PRKCA: variants seen among roughly 807,000 people sequenced by gnomAD.
The protein encoded by PRKCA is protein kinase C alpha.
A neutral mutation model predicts 87.0 loss-of-function variants in PRKCA; 27 were observed. That is an observed-to-expected ratio of 0.31 (90% confidence interval 0.23 to 0.43). The LOEUF is 0.43. PRKCA is among the 20% of genes least tolerant of loss of function. The pLI, the probability that PRKCA is intolerant of heterozygous loss-of-function variation, is 1.00. For missense variants in PRKCA, 518 were observed against 852.3 expected, an observed-to-expected ratio of 0.61 and a Z score of 4.88; for synonymous variants, 329 against 311.1, an observed-to-expected ratio of 1.06 and a Z score of -0.61.
chr17:66,545,895 G>A (rs376370220), intron 3 of PRKCA, among the ~76,000 whole-genome samples: 79 of 152,320 alleles, frequency 5.2e-4, no homozygotes, highest in Non-Finnish European at 1.0e-3. Context: ...ATTAGATTTT[G>A]TATGAGAATA....
intron 2 of PRKCA, among the ~76,000 whole-genome samples, chr17:66,347,492 G>C (rs11651796): frequency 1.3e-5 from 2 of 152,050 alleles, no homozygotes; most frequent in Non-Finnish European, 1.5e-5. Flanking sequence ...GAATGAAACC[G>C]TGTCTGTGTT....
At position 66,782,619 on chromosome 17, in the gene PRKCA, G is replaced by A. The variant is rs1286347704; in HGVS notation, c.1606-4248G>A. 5.3e-5 allele frequency among the ~76,000 whole-genome samples: 8 copies of A among 152,268 alleles called. No individual in the cohort carries two copies. The East Asian group carries it at 1.5e-3, about 29-fold the overall frequency. The stretch of plus-strand genomic sequence containing the variant: ...TACGGGATGACTTGAAACATCTCAG[G>A]CCCCCAGGGCTGCCCCACCCCCTTC... On this transcript the variant is annotated intron_variant, in intron 14 of 16. Coordinates refer to ENST00000413366, the MANE Select transcript of PRKCA (RefSeq NM_002737.3).
chr17:66,679,665 A>G (rs1399815260), intron 5 of PRKCA, among the ~76,000 whole-genome samples: 1 of 152,186 alleles, frequency 6.6e-6, no homozygotes, highest in East Asian at 1.9e-4. Context: ...TTGGCCACCC[A>G]TCTTTCTAGT....
intron 5 of PRKCA, among the ~76,000 whole-genome samples, chr17:66,649,889 A>G (rs532757750): frequency 6.6e-6 from 1 of 152,270 alleles, no homozygotes; most frequent in African/African-American, 2.4e-5. Context: ...AGAGGGAAGG[A>G]CCCTGTGGAG....
intron 2 of PRKCA, among the ~76,000 whole-genome samples, chr17:66,378,498 C>G (rs1909602260): frequency 6.6e-6 from 1 of 152,072 alleles, no homozygotes; most frequent in South Asian, 2.1e-4. Flanking sequence ...GAAAGAAACC[C>G]CAGACCCCTT....
chr17:66,397,811 T>C (rs1271433141), intron 2 of PRKCA, among the ~76,000 whole-genome samples: 2 of 152,200 alleles, frequency 1.3e-5, no homozygotes, highest in African/African-American at 4.8e-5. Flanking sequence ...ACAGTGCTGA[T>C]GCCTGCATCC....
intron 3 of PRKCA, among the ~76,000 whole-genome samples, chr17:66,544,711 C>T (rs537064899): frequency 1.1e-4 from 16 of 152,154 alleles, no homozygotes; most frequent in East Asian, 1.9e-4. Flanking sequence ...TACTGTCTCA[C>T]CCTCCCAAGT....
At chr17:66,716,183 A>G (rs1973468623) in intron 8 of PRKCA, among the ~76,000 whole-genome samples, 1 of 150,972 alleles carries the variant, frequency 6.6e-6, no homozygotes, top group Admixed American at 6.6e-5. Flanking sequence ...AGAATTACCC[A>G]CTTCGAAGCC....
chr17:66,677,744 C>A (rs892802988), intron 5 of PRKCA, among the ~76,000 whole-genome samples: 1 of 152,172 alleles, frequency 6.6e-6, no homozygotes, highest in East Asian at 1.9e-4. Flanking sequence ...GCATCTGAGT[C>A]ATTATTTCAC....
At chr17:66,569,608 A>AAG (rs397727600) in intron 3 of PRKCA, among the ~76,000 whole-genome samples, 19 of 151,894 alleles carry the variant, frequency 1.3e-4, no homozygotes, top group Admixed American at 3.3e-4. Context: ...TCAGTAAGAA[A>AAG]GACAATCCAG....
chr17:66,756,269 T>A (rs1974545416), intron 13 of PRKCA, among the ~76,000 whole-genome samples: 1 of 152,058 alleles, frequency 6.6e-6, no homozygotes, highest in Non-Finnish European at 1.5e-5. Context: ...CTCCTGGGGT[T>A]TTATCAGACC....
intron 2 of PRKCA, among the ~76,000 whole-genome samples, chr17:66,460,521 C>T (rs1292201191): frequency 3.3e-5 from 5 of 152,102 alleles, no homozygotes; most frequent in Non-Finnish European, 7.4e-5. Context: ...TTTATTTTTT[C>T]CGAATTGCAG....
At chr17:66,376,888 T>A (rs1471593073) in intron 2 of PRKCA, among the ~76,000 whole-genome samples, 1 of 152,088 alleles carries the variant, frequency 6.6e-6, no homozygotes, top group Non-Finnish European at 1.5e-5. Context: ...AGTCAAGGCC[T>A]CCTCTCTGCT....
At chr17:66,798,456 T>TGGTGGTGGTGGTGGTGACGGTGGTGAC (rs1975741554) in intron 16 of PRKCA, among the ~76,000 whole-genome samples, 1 of 34,804 alleles carries the variant, frequency 2.9e-5, no homozygotes, top group Admixed American at 3.1e-4. Flanking sequence ...GTGGTGACGG[T>TGGTGGTGGTGGTGGTGACGGTGGTGAC]GGTGGTGGTG....
At chr17:66,553,811 A>G (rs568876254) in intron 3 of PRKCA, among the ~76,000 whole-genome samples, 137 of 152,268 alleles carry the variant, frequency 9.0e-4, no homozygotes, top group African/African-American at 3.1e-3. Context: ...CGTGTAAGAC[A>G]TGGCCTCTCA....
At chr17:66,644,626 G>A (rs1210820372) in intron 4 of PRKCA, among the ~76,000 whole-genome samples, 1 of 152,136 alleles carries the variant, frequency 6.6e-6, no homozygotes, top group African/African-American at 2.4e-5. Flanking sequence ...ACTTGGAATG[G>A]TATTTAAATA....
At chr17:66,593,877 A>C (rs1314977073) in intron 3 of PRKCA, among the ~76,000 whole-genome samples, 2 of 152,196 alleles carry the variant, frequency 1.3e-5, no homozygotes, top group East Asian at 3.9e-4. Context: ...TGAGGTCAGG[A>C]GTTCATGACC....
At chr17:66,401,724 CCGGT>C (rs1228529226) in intron 2 of PRKCA, among the ~76,000 whole-genome samples, 27 of 152,046 alleles carry the variant, frequency 1.8e-4, no homozygotes, top group African/African-American at 6.5e-4. Flanking sequence ...CAGCCATATG[CCGGT>C]TAAGTGTATG....
chr17:66,746,461 G>A (rs1446966045), intron 13 of PRKCA, among the ~76,000 whole-genome samples: 1 of 152,036 alleles, frequency 6.6e-6, no homozygotes, highest in Non-Finnish European at 1.5e-5. Flanking sequence ...ATAATATTTC[G>A]TGTGGAAAAT....
Sources: gnomAD v4.1 joint callset for allele counts (sites outside exome capture counted in the v4.1 genomes callset) on GRCh38, gnomAD v4.1.1 for gene constraint, MANE v1.5 for transcripts, NCBI Gene and HGNC (gene_info 2026-07-23, HGNC 2026-07-21) for gene names.